Variants in CDH4 observed in about 807,000 individuals in gnomAD.
CDH4 encodes the protein cadherin-4.
A neutral mutation model predicts 86.0 loss-of-function variants in CDH4; 33 were observed. The ratio of observed to expected loss-of-function variants is 0.38; its 90% CI spans 0.29 to 0.51. CDH4 has a LOEUF of 0.51. CDH4 is among the 20% of genes least tolerant of loss of function. CDH4 has a pLI of 0.86. For synonymous variants in CDH4, 555 were observed against 549.4 expected (o/e 1.01, Z -0.14); for missense variants, 1,114 against 1,307.4 (o/e 0.85, Z 2.28).
intron 2 of CDH4, among the ~76,000 whole-genome samples, chr20:61,328,469 C>A (rs886120438): frequency 6.6e-6 from 1 of 152,338 alleles, no homozygotes; most frequent in Admixed American, 6.5e-5. Context: ...GCCACCGCGC[C>A]CGGCCCAAAA....
At chr20:61,478,327 T>C (rs1244369236) in intron 2 of CDH4, among the ~76,000 whole-genome samples, 2 of 152,162 alleles carry the variant, frequency 1.3e-5, no homozygotes, top group Non-Finnish European at 2.9e-5. Flanking sequence ...GCAATGGGTG[T>C]GTATCCTCAT....
At position 61,393,343 on chromosome 20, in the gene CDH4, G is replaced by A. The variant is rs996474484; in HGVS notation, c.169+138406G>A. On this transcript the variant is annotated intron_variant, in intron 2 of 15. Coordinates refer to ENST00000614565, the MANE Select transcript of CDH4 (RefSeq NM_001794.5). The surrounding 1 kb of genome is among the most constrained non-coding windows in gnomAD (Gnocchi z 4.3). ...TCCAGTGGTGTGGGGGACAGCAGCCGGGGGGGGCCGGGGTCTTCCTTACCT... is the reference window on the plus strand; with the variant it reads ...TCCAGTGGTGTGGGGGACAGCAGCCAGGGGGGGCCGGGGTCTTCCTTACCT... Among the ~76,000 whole-genome samples the A allele has an allele frequency of 3.1e-5, 4 of 127,792 alleles. No homozygotes were observed. Among genetic ancestry groups the A allele is most frequent in the African/African-American group, 7.8e-5 (3 of 38,362 alleles). 83.8% of individuals were successfully genotyped at this position (127,792 alleles called of 152,430 possible). A position where few individuals can be genotyped will look rare whatever the true frequency, so the allele number is the denominator to read the frequency against.
At chr20:61,683,491 G>A (rs910452206) in intron 2 of CDH4, among the ~76,000 whole-genome samples, 6 of 152,266 alleles carry the variant, frequency 3.9e-5, no homozygotes, top group East Asian at 1.9e-4. Flanking sequence ...CAGGTGCCCC[G>A]GGAGTGCGGC....
intron 3 of CDH4, among the ~76,000 whole-genome samples, chr20:61,753,707 T>C (rs796736029): frequency 6.6e-6 from 1 of 152,342 alleles, no homozygotes; most frequent in African/African-American, 2.4e-5. Context: ...AAGAAACTGT[T>C]GTTTATGAAA....
chr20:61,653,986 G>A (rs1252813029), intron 2 of CDH4, among the ~76,000 whole-genome samples: 12 of 151,538 alleles, frequency 7.9e-5, no homozygotes, highest in African/African-American at 1.9e-4. Context: ...GACGAAGGGC[G>A]GCCAGGCAGA....
At chr20:61,683,013 C>A (rs1207693497) in intron 2 of CDH4, among the ~76,000 whole-genome samples, 1 of 151,900 alleles carries the variant, frequency 6.6e-6, no homozygotes, top group Non-Finnish European at 1.5e-5. Context: ...AATCCTGTAT[C>A]TTTTTATAAA....
At chr20:61,375,761 T>TA (rs2084865420) in intron 2 of CDH4, among the ~76,000 whole-genome samples, 1 of 129,350 alleles carries the variant, frequency 7.7e-6, no homozygotes, top group African/African-American at 3.1e-5. Context: ...ATGATGGTGG[T>TA]GCTGGTGGTG....
chr20:61,586,074 A>G (rs1600783875), intron 2 of CDH4, among the ~76,000 whole-genome samples: 1 of 149,950 alleles, frequency 6.7e-6, no homozygotes, highest in Non-Finnish European at 1.5e-5. Context: ...GGTGATGGGG[A>G]AGATGATGGT....
intron 2 of CDH4, among the ~76,000 whole-genome samples, chr20:61,337,436 A>T (rs1043066412): frequency 1.3e-5 from 2 of 151,280 alleles, no homozygotes; most frequent in Non-Finnish European, 2.9e-5. Context: ...GATGATGCTG[A>T]TAACAATGGA....
intron 9 of CDH4, among the ~76,000 whole-genome samples, chr20:61,913,883 C>T (rs1056367801): frequency 2.6e-5 from 4 of 152,180 alleles, no homozygotes; most frequent in Admixed American, 1.3e-4. Context: ...AGCTTGGCAG[C>T]GGGCCACCCT....
intron 2 of CDH4, among the ~76,000 whole-genome samples, chr20:61,408,329 G>C (rs550960631): frequency 6.6e-6 from 1 of 152,106 alleles, no homozygotes; most frequent in African/African-American, 2.4e-5. Context: ...ATGGTGATGC[G>C]GTTTAACTTG....
intron 2 of CDH4, among the ~76,000 whole-genome samples, chr20:61,429,818 G>A (rs567142878): frequency 6.6e-6 from 1 of 152,194 alleles, no homozygotes; most frequent in African/African-American, 2.4e-5. Flanking sequence ...TAGATGGTTG[G>A]GTGGATGGAT....
chr20:61,928,270 A>G lies in CDH4; in HGVS notation c.1852A>G (p.Lys618Glu), dbSNP rs1356015712. 4.3e-6 allele frequency: 7 copies of G among 1,609,300 alleles called. No homozygotes were observed. The East Asian group carries it at 1.6e-4, about 36-fold the overall frequency. ...CGACAACGCCCCTGAGCTGCTGCCC[A>G]AGGAGGCGCAGATCTGCGAGAAGCC... The part of the protein sequence containing the change: ...INDNAPELLP[K>E]EAQICEKPNL... The change falls in exon 12 of 16, where the codon AAG (lysine) becomes GAG (glutamate). Residue 618 changes from lysine (K) to glutamate (E), a missense_variant. This residue lies in a region of CDH4 where 705 missense variants were observed against 914.1 expected (regional missense o/e 0.77). Transcript: ENST00000614565.
chr20:61,917,630 T>A (rs6142882), intron 9 of CDH4, among the ~76,000 whole-genome samples: 8,199 of 152,236 alleles, frequency 0.054, 760 homozygotes, highest in East Asian at 0.43. Flanking sequence ...GACGTCCTGG[T>A]GTGTCCCCAC....
At chr20:61,819,378 G>A (rs985229230) in intron 4 of CDH4, among the ~76,000 whole-genome samples, 2 of 150,926 alleles carry the variant, frequency 1.3e-5, no homozygotes, top group East Asian at 1.9e-4. Flanking sequence ...CGCGTCGCTC[G>A]CTCTGCCCCG....
intron 2 of CDH4, chr20:61,570,553 A>G: frequency 4.6e-6 from 3 of 651,040 alleles, no homozygotes; most frequent in Non-Finnish European, 8.4e-6. Flanking sequence ...CTTTACATCC[A>G]AGCGTTGACT....
rs928282255 is a variant in CDH4 at position 61,518,466 on chromosome 20, GTCCATCCA to G, written c.170-225089_170-225082del. Among the ~76,000 whole-genome samples, 1 of 147,974 alleles carries G rather than the reference GTCCATCCA, an allele frequency of 6.8e-6. No homozygotes were observed. The highest frequency in any genetic ancestry group is 2.2e-4 in the South Asian group (1 of 4,618). On this transcript the variant is annotated intron_variant, in intron 2 of 15. Coordinates refer to ENST00000614565, the MANE Select transcript of CDH4 (RefSeq NM_001794.5). This position sits in a 1 kb window ranked among gnomAD's most constrained non-coding sequence, Gnocchi z 6.3. ...ATCCATCATCCGTCATCCACCCATC[GTCCATCCA>G]TCCATCCTTCCATCATTGATTCATC...
intron 2 of CDH4, among the ~76,000 whole-genome samples, chr20:61,430,120 A>G (rs774006471): frequency 3.9e-5 from 6 of 152,196 alleles, no homozygotes; most frequent in Admixed American, 1.3e-4. Flanking sequence ...TTATCTGTGG[A>G]CCACAACAGA....
chr20:61,872,463 C>T (rs561023812), intron 6 of CDH4, among the ~76,000 whole-genome samples: 47 of 152,182 alleles, frequency 3.1e-4, no homozygotes, highest in Non-Finnish European at 6.3e-4. Flanking sequence ...CTCATGCACA[C>T]GGGAACGAGC....
Sources: allele counts gnomAD v4.1 joint callset (sites outside exome capture counted in the v4.1 genomes callset), GRCh38; gene constraint gnomAD v4.1.1; regional missense constraint gnomAD v4.1.1; non-coding constraint Gnocchi (gnomAD v3.1); transcripts MANE v1.5; gene names NCBI Gene and HGNC (gene_info 2026-07-23, HGNC 2026-07-21).